ORC5: variants seen among roughly 807,000 people sequenced by gnomAD.
ORC5 encodes the protein protein phosphatase 1, regulatory subunit 117.
A neutral mutation model predicts 58.8 loss-of-function variants in ORC5; 39 were observed. The observed-to-expected ratio is 0.66, with a 90% CI of 0.51 to 0.87. The LOEUF is 0.87. Ranked by LOEUF, ORC5 falls within the 40% of genes least tolerant of loss-of-function variation. The pLI is 0.00. For missense variants in ORC5, 493 were observed against 506.3 expected (o/e 0.97, Z 0.25); for synonymous variants, 218 against 177.6 (o/e 1.23, Z -1.81).
In ORC5 at chr7:104,134,472, G is replaced by C. The variant is rs183213281; in HGVS notation, c.1262+2309C>G. Among the ~76,000 whole-genome samples, 24 of 151,052 alleles carry C rather than the reference G, an allele frequency of 1.6e-4. No individual in the cohort carries two copies. The East Asian group carries it at 4.7e-3, about 29-fold the overall frequency. On this transcript the variant is annotated intron_variant, in intron 13 of 13. Coordinates refer to ENST00000297431, the MANE Select transcript of ORC5 (RefSeq NM_002553.4). ...GGTGGAAAAGAAGTCTGGATACCAG[G>C]TGCCCTATTATCTCAATACATGAGG...
intron 13 of ORC5, among the ~76,000 whole-genome samples, chr7:104,134,966 A>G (rs890253669): frequency 6.6e-6 from 1 of 152,162 alleles, no homozygotes; most frequent in Non-Finnish European, 1.5e-5. Context: ...AGAGCCCCCA[A>G]GTTCTATGTC....
rs371971052 is a variant in ORC5, at chr7:104,195,130, T to C, written c.553+13A>G. ...CTGCATATCATTTGCCAAAACAATG[T>C]TTTAAGGTTTACCTATGCTGTAATC... On this transcript the variant is annotated intron_variant, in intron 5 of 13. Coordinates refer to ENST00000297431, the MANE Select transcript of ORC5 (RefSeq NM_002553.4). 2.2e-6 allele frequency: 3 copies of C among 1,393,496 alleles called. No homozygotes were observed. The highest frequency in any genetic ancestry group is 3.6e-4 in the Middle Eastern group (2 of 5,620). The allele number at this position is 1,393,496 out of a possible 1,614,324, so 86.3% of individuals were successfully genotyped here. A position where few individuals can be genotyped will look rare whatever the true frequency, so the allele number is the denominator to read the frequency against.
intron 13 of ORC5, 142 bp from the exon 14 acceptor site, chr7:104,127,035 G>T: frequency 2.1e-6 from 1 of 466,126 alleles, no homozygotes. Context: ...TGATAGGACT[G>T]ACATTAATTC....
At chr7:104,180,805 T>A (rs1278115221) in intron 8 of ORC5, among the ~76,000 whole-genome samples, 1 of 152,142 alleles carries the variant, frequency 6.6e-6, no homozygotes. Context: ...ATCTAATATA[T>A]CATCAAGTCA....
Position 104,166,880 on chromosome 7 carries a change from G to C in ORC5, c.882C>G (p.Leu294=). ...GAAGTTCCACATGAGTATGCGCTGA[G>C]AGGCCTATATAACAAAACACTTTGA... The part of the protein sequence containing the change: ...DDTDPGQLKG[L]SAHTHVELPY... The change falls in exon 10 of 14, where the codon CTC becomes CTG. Residue 294 remains leucine (L), a synonymous_variant. Transcript: ENST00000297431. 1.3e-6 allele frequency: 2 copies of C among 1,575,060 alleles called. No individual in the cohort carries two copies. Among genetic ancestry groups the C allele is most frequent in the Non-Finnish European group, 1.7e-6 (2 of 1,146,748 alleles).
At chr7:104,127,101 C>T (rs1373865057) in intron 13 of ORC5, among the ~76,000 whole-genome samples, 3 of 148,594 alleles carry the variant, frequency 2.0e-5, no homozygotes, top group East Asian at 3.9e-4. Flanking sequence ...TTGCCATGCA[C>T]GAAGTTTGCC....
At chr7:104,164,074 T>G (rs1004804628) in intron 11 of ORC5, among the ~76,000 whole-genome samples, 4 of 152,204 alleles carry the variant, frequency 2.6e-5, no homozygotes, top group African/African-American at 7.2e-5. Flanking sequence ...TTATCCATTT[T>G]GCTATCGAAT....
rs1190849354 is a variant in ORC5 at position 104,179,807 on chromosome 7, A to G, written c.824+4136T>C. ...ATCTCAGAAGTTTAATGTTTGCTGC[A>G]TCTTACTGCATGTCATACATCACTG... On this transcript the variant is annotated intron_variant, in intron 8 of 13. Coordinates refer to ENST00000297431, the MANE Select transcript of ORC5 (RefSeq NM_002553.4). Among the ~76,000 whole-genome samples, 10 of 152,284 alleles carry G rather than the reference A, an allele frequency of 6.6e-5. No homozygotes were observed. The South Asian group carries it at 2.1e-3, about 32-fold the overall frequency.
intron 12 of ORC5, among the ~76,000 whole-genome samples, chr7:104,144,443 C>T (rs530872677): frequency 4.3e-4 from 66 of 152,050 alleles, no homozygotes; most frequent in Non-Finnish European, 7.8e-4. Flanking sequence ...CTCTTGAGGA[C>T]TTACTCTAGG....
In ORC5 at chr7:104,138,801, G is replaced by A. The variant is rs139313628; in HGVS notation, c.1150-1908C>T. Among the ~76,000 whole-genome samples the A allele has an allele frequency of 0.014, 2,200 of 152,204 alleles. 26 individuals carry two copies. Among genetic ancestry groups the A allele is most frequent in the Non-Finnish European group, 0.023 (1,553 of 67,994 alleles). ...GTTGGGATTAGAGGCGTGAGCCCCC[G>A]CACCCAACCATTGCTTTAAAACTTA... On this transcript the variant is annotated intron_variant, in intron 12 of 13. Coordinates refer to ENST00000297431, the MANE Select transcript of ORC5 (RefSeq NM_002553.4). The surrounding 1 kb of genome is among the most constrained non-coding windows in gnomAD (Gnocchi z 4.7).
At chr7:104,144,423 A>C (rs1798722592) in intron 12 of ORC5, among the ~76,000 whole-genome samples, 1 of 152,136 alleles carries the variant, frequency 6.6e-6, no homozygotes, top group Admixed American at 6.5e-5. Flanking sequence ...CCAACTATAT[A>C]TCCATGAAAC....
chr7:104,196,899 T>C (rs1799812819), intron 4 of ORC5, among the ~76,000 whole-genome samples: 1 of 152,160 alleles, frequency 6.6e-6, no homozygotes, highest in Non-Finnish European at 1.5e-5. Context: ...ATACGGTGAA[T>C]ATGGTTTCAC....
intron 6 of ORC5, chr7:104,187,834 A>G: frequency 1.0e-6 from 1 of 987,230 alleles, no homozygotes; most frequent in Non-Finnish European, 1.2e-6. Flanking sequence ...TCTAGATTCT[A>G]GACCTCAATC....
intron 12 of ORC5, among the ~76,000 whole-genome samples, chr7:104,154,922 C>T (rs1029244984): frequency 6.6e-6 from 1 of 151,724 alleles, no homozygotes; most frequent in African/African-American, 2.4e-5. Context: ...GCAAAAACAT[C>T]TTCCTACAGC....
intron 10 of ORC5, among the ~76,000 whole-genome samples, chr7:104,165,919 A>C (rs1799099019): frequency 6.6e-6 from 1 of 152,072 alleles, no homozygotes; most frequent in African/African-American, 2.4e-5. Flanking sequence ...CATAAAACTT[A>C]GCCAGGCGTG....
chr7:104,206,310 T>TG (rs1170366092), intron 1 of ORC5, among the ~76,000 whole-genome samples: 2 of 152,206 alleles, frequency 1.3e-5, no homozygotes, highest in Non-Finnish European at 2.9e-5. Flanking sequence ...TATAGTTGTT[T>TG]GTATTTCCCA....
chr7:104,197,891 T>A, intron 3 of ORC5, 92 bp from the exon 4 acceptor site: 1 of 727,020 alleles, frequency 1.4e-6, no homozygotes, highest in Non-Finnish European at 2.2e-6. Context: ...AAAGTTCATG[T>A]GTTGGAACTT....
intron 8 of ORC5, among the ~76,000 whole-genome samples, chr7:104,176,962 T>G (rs1200460321): frequency 6.6e-6 from 1 of 152,180 alleles, no homozygotes; most frequent in Admixed American, 6.5e-5. Flanking sequence ...TGTAACTCTT[T>G]GATAAATAAG....
intron 8 of ORC5, 38 bp downstream of exon 8, chr7:104,183,905 G>T: frequency 7.8e-7 from 1 of 1,288,186 alleles, no homozygotes; most frequent in Non-Finnish European, 1.1e-6. Context: ...CCCAAATAAA[G>T]ATATAAAAAC....
Sources: gnomAD v4.1 joint callset for allele counts (sites outside exome capture counted in the v4.1 genomes callset) on GRCh38, gnomAD v4.1.1 for gene constraint, Gnocchi (gnomAD v3.1) non-coding constraint, MANE v1.5 for transcripts, NCBI Gene and HGNC (gene_info 2026-07-23, HGNC 2026-07-21) for gene names.